The following HSD17B11 variants were observed in gnomAD, a reference collection of about 807,000 sequenced individuals.
HSD17B11 encodes estradiol 17-beta-dehydrogenase 11.
HSD17B11 carries 22 observed loss-of-function variants against 27.8 expected under a neutral mutation model. That is an observed-to-expected ratio of 0.79 (90% CI 0.56 to 1.13). The LOEUF is 1.13. Among genes scored for constraint, HSD17B11 ranks in the 50% most tolerant of loss-of-function variants. The pLI is 0.00. For synonymous variants in HSD17B11, 117 were observed against 132.8 expected (o/e 0.88, Z 0.82); for missense variants, 314 against 351.1 (o/e 0.89, Z 0.84).
intron 4 of HSD17B11, among the ~76,000 whole-genome samples, chr4:87,371,125 C>CTT: frequency 6.6e-6 from 1 of 152,236 alleles, no homozygotes; most frequent in East Asian, 1.9e-4. Context: ...GGTCACACAG[C>CTT]TGGTGAGTGA....
intron 4 of HSD17B11, among the ~76,000 whole-genome samples, chr4:87,368,331 C>A (rs768395363): frequency 4.6e-5 from 7 of 151,934 alleles, no homozygotes; most frequent in East Asian, 1.9e-4. Context: ...AAACAAAAAA[C>A]ACACACACAA....
chr4:87,378,862 A>T (rs1454919599), intron 2 of HSD17B11, among the ~76,000 whole-genome samples: 2 of 22,304 alleles, frequency 9.0e-5, no homozygotes, highest in African/African-American at 7.6e-4. Flanking sequence ...ATATAAATAT[A>T]TATAAATATA....
At chr4:87,375,004 T>C (rs112515031) in intron 2 of HSD17B11, among the ~76,000 whole-genome samples, 174 bp from the exon 3 acceptor site, 7,908 of 152,110 alleles carry the variant, frequency 0.052, 708 homozygotes, top group African/African-American at 0.18. Flanking sequence ...AGAGATTCTC[T>C]GGCCTCAGCT....
At chr4:87,339,859 C>T (rs951406872) in intron 6 of HSD17B11, among the ~76,000 whole-genome samples, 1 of 152,174 alleles carries the variant, frequency 6.6e-6, no homozygotes, top group South Asian at 2.1e-4. Context: ...CCAGTGTGCA[C>T]CAAAGTTGAG....
chr4:87,359,836 AT>A (rs1735471851), intron 4 of HSD17B11, among the ~76,000 whole-genome samples: 1 of 152,210 alleles, frequency 6.6e-6, no homozygotes, highest in Admixed American at 6.5e-5. Flanking sequence ...AGGTTTATAT[AT>A]GATATATTCT....
At chr4:87,341,113 C>T (rs891664318) in intron 5 of HSD17B11, among the ~76,000 whole-genome samples, 2 of 152,108 alleles carry the variant, frequency 1.3e-5, no homozygotes, top group Non-Finnish European at 2.9e-5. Flanking sequence ...CCCTTCATCT[C>T]CACATGATAT....
intron 2 of HSD17B11, among the ~76,000 whole-genome samples, chr4:87,378,843 TA>T (rs1451976279): frequency 3.4e-5 from 1 of 29,142 alleles, no homozygotes; most frequent in African/African-American, 1.6e-4. Context: ...TATATATATA[TA>T]AATATATATA....
In HSD17B11 at chr4:87,353,884, T is replaced by C. The variant is rs143344687; in HGVS notation, c.695+3395A>G. ...AGAAATTGAGGAAACTGGCAAGTTTTATCTTCAACATCTGCTTTCAGTTTT... is the reference window on the plus strand; with the variant it reads ...AGAAATTGAGGAAACTGGCAAGTTTCATCTTCAACATCTGCTTTCAGTTTT... On this transcript the variant is annotated intron_variant, in intron 5 of 6. Transcript: ENST00000358290. 8.2e-3 allele frequency among the ~76,000 whole-genome samples: 1,255 copies of C among 152,334 alleles called. 12 individuals carry two copies. Among genetic ancestry groups the C allele is most frequent in the African/African-American group, 0.028 (1,178 of 41,580 alleles).
At chr4:87,388,227 T>A (rs1720370287) in intron 1 of HSD17B11, among the ~76,000 whole-genome samples, 1 of 151,688 alleles carries the variant, frequency 6.6e-6, no homozygotes, top group Non-Finnish European at 1.5e-5. Flanking sequence ...TAAGTAATTA[T>A]CATTTCAACA....
At position 87,391,154 on chromosome 4, in the gene HSD17B11, A is replaced by T; in HGVS notation, c.-84T>A. 2.0e-6 allele frequency: 2 copies of T among 985,236 alleles called. No individual in the cohort carries two copies. The highest frequency in any genetic ancestry group is 5.1e-5 in the Admixed American group (2 of 38,926). The allele number at this position is 985,236 out of a possible 1,614,324, so 61.0% of individuals were successfully genotyped here. ...CTTTTAGAGGGTAGCTCGATCTAACACCAGAAAGAGTAGGGGCGAGAGCAA... is the reference window on the plus strand; with the variant it reads ...CTTTTAGAGGGTAGCTCGATCTAACTCCAGAAAGAGTAGGGGCGAGAGCAA... On this transcript the variant is annotated 5_prime_UTR_variant, in exon 1 of 7. Transcript: ENST00000358290.
At chr4:87,374,530 T>C in intron 3 of HSD17B11, 169 bp downstream of exon 3, 1 of 501,228 alleles carries the variant, frequency 2.0e-6, no homozygotes, top group Non-Finnish European at 3.5e-6. Flanking sequence ...TGAGGAAGAA[T>C]GATAGAATTT....
At position 87,376,503 on chromosome 4, in the gene HSD17B11, C is replaced by CAAA. The variant is rs70957230; in HGVS notation, c.319-1676_319-1674dup. 5.9e-4 allele frequency among the ~76,000 whole-genome samples: 37 copies of CAAA among 63,108 alleles called. 1 individual carries two copies. The highest frequency in any genetic ancestry group is 1.4e-3 in the African/African-American group (28 of 20,740). The allele number at this position is 63,108 out of a possible 152,430, so 41.4% of individuals were successfully genotyped here. A position where few individuals can be genotyped will look rare whatever the true frequency, so the allele number is the denominator to read the frequency against. ...CTGGGTGACAGACGAGATTTCATCTCAAAAAAAAAAAAAAAAAAACCCAAA... is the reference window on the plus strand; with the variant it reads ...CTGGGTGACAGACGAGATTTCATCTCAAAAAAAAAAAAAAAAAAAAAACCCAAA... On this transcript the variant is annotated intron_variant, in intron 2 of 6. Transcript: ENST00000358290.
At chr4:87,386,286 T>C (rs1386714580) in intron 1 of HSD17B11, among the ~76,000 whole-genome samples, 1 of 151,930 alleles carries the variant, frequency 6.6e-6, no homozygotes, top group Non-Finnish European at 1.5e-5. Flanking sequence ...CACTGTAGCC[T>C]CTGCCTTCCC....
At position 87,391,093 on chromosome 4, in the gene HSD17B11, TGG is replaced by T; in HGVS notation, c.-25_-24del. On this transcript the variant is annotated 5_prime_UTR_variant, in exon 1 of 7. Transcript: ENST00000358290. The stretch of plus-strand genomic sequence containing the variant: ...CATCCCTTTTGTGGCTGCGAGCGTT[TGG>T]TGTGTTTTTTTTTTTTTTTACCACT... 6.5e-7 allele frequency: 1 copy of T among 1,540,114 alleles called. No homozygotes were observed. Among genetic ancestry groups the T allele is most frequent in the South Asian group, 1.2e-5 (1 of 82,996 alleles).
intron 4 of HSD17B11, among the ~76,000 whole-genome samples, chr4:87,362,451 G>A (rs966481973): frequency 1.3e-5 from 2 of 152,180 alleles, no homozygotes; most frequent in Non-Finnish European, 2.9e-5. Context: ...GCTTGAACCC[G>A]GGAGGCCGAG....
chr4:87,387,659 A>G (rs1223248362), intron 1 of HSD17B11, among the ~76,000 whole-genome samples: 2 of 152,264 alleles, frequency 1.3e-5, no homozygotes, highest in Non-Finnish European at 2.9e-5. Flanking sequence ...ACTTTTGGCC[A>G]AATAAGGACA....
intron 5 of HSD17B11, among the ~76,000 whole-genome samples, chr4:87,356,961 A>G (rs1341354283): frequency 6.6e-6 from 1 of 152,222 alleles, no homozygotes; most frequent in Admixed American, 6.5e-5. Flanking sequence ...CTGAGGGTGA[A>G]GCCCCAACAT....
At chr4:87,387,738 C>CA (rs894016462) in intron 1 of HSD17B11, among the ~76,000 whole-genome samples, 1 of 152,008 alleles carries the variant, frequency 6.6e-6, no homozygotes, top group Non-Finnish European at 1.5e-5. Flanking sequence ...TTTTTACCCA[C>CA]AAAAAGTAGG....
intron 5 of HSD17B11, among the ~76,000 whole-genome samples, chr4:87,343,114 T>C (rs573428953): frequency 6.6e-6 from 1 of 152,336 alleles, no homozygotes; most frequent in South Asian, 2.1e-4. Context: ...GGTGCTGCAT[T>C]CACCAAACTT....
Sources: allele counts gnomAD v4.1 joint callset (sites outside exome capture counted in the v4.1 genomes callset), GRCh38; gene constraint gnomAD v4.1.1; transcripts MANE v1.5; gene names NCBI Gene and HGNC (gene_info 2026-07-23, HGNC 2026-07-21).